MAP3K5: variants seen among roughly 807,000 people sequenced by gnomAD.
MAP3K5 encodes ASK-1.
In MAP3K5, 56 loss-of-function variants were observed where a neutral mutation model predicts 158.7. The observed-to-expected ratio is 0.35, with a 90% CI of 0.28 to 0.44. The LOEUF (loss-of-function observed/expected upper bound fraction) is 0.44. MAP3K5 is among the 20% of genes least tolerant of loss of function. MAP3K5 has a pLI of 1.00. For missense variants in MAP3K5, 1,294 were observed against 1,674.8 expected, an observed-to-expected ratio of 0.77 and a Z score of 3.97; for synonymous variants, 579 against 601.7, an observed-to-expected ratio of 0.96 and a Z score of 0.55.
intron 21 of MAP3K5, among the ~76,000 whole-genome samples, chr6:136,595,356 C>T (rs574991584): frequency 1.3e-4 from 20 of 152,308 alleles, no homozygotes; most frequent in African/African-American, 2.6e-4. Flanking sequence ...CCACCTGCTT[C>T]GGCCTCCCAA....
chr6:136,749,410 A>G (rs1783097999), intron 1 of MAP3K5, among the ~76,000 whole-genome samples: 1 of 151,534 alleles, frequency 6.6e-6, no homozygotes, highest in Non-Finnish European at 1.5e-5. Context: ...GGGCTCCATT[A>G]GGGTGCGTGA....
intron 21 of MAP3K5, 140 bp from the exon 22 acceptor site, chr6:136,592,754 G>A (rs770301925): frequency 1.9e-5 from 15 of 800,602 alleles, no homozygotes; most frequent in African/African-American, 8.4e-5. Flanking sequence ...GTAAGGGAAC[G>A]GTCATGTGTT....
intron 1 of MAP3K5, among the ~76,000 whole-genome samples, chr6:136,781,238 C>T (rs548680422): frequency 8.5e-5 from 13 of 152,152 alleles, no homozygotes; most frequent in Non-Finnish European, 1.3e-4. Flanking sequence ...CAAGACTTGC[C>T]TGAAGAAAGC....
intron 7 of MAP3K5, among the ~76,000 whole-genome samples, chr6:136,684,586 T>TAAAAAAC (rs2114611047): frequency 6.6e-6 from 1 of 152,244 alleles, no homozygotes; most frequent in East Asian, 1.9e-4. Context: ...CTTCAGAAAC[T>TAAAAAAC]TGATGGCTGT....
intron 1 of MAP3K5, among the ~76,000 whole-genome samples, chr6:136,765,664 C>CA (rs891408637): frequency 6.6e-5 from 10 of 151,442 alleles, no homozygotes; most frequent in African/African-American, 2.2e-4. Context: ...AAGTGCCCAC[C>CA]ACCATGCCTG....
At chr6:136,661,477 C>T (rs901265606) in intron 8 of MAP3K5, among the ~76,000 whole-genome samples, 1 of 152,176 alleles carries the variant, frequency 6.6e-6, no homozygotes, top group East Asian at 1.9e-4. Flanking sequence ...CTCAATGCAG[C>T]CTTGAATTTC....
intron 2 of MAP3K5, among the ~76,000 whole-genome samples, chr6:136,710,822 C>T (rs758019066): frequency 3.3e-5 from 5 of 152,078 alleles, no homozygotes; most frequent in Non-Finnish European, 5.9e-5. Context: ...CTGGGTCTTC[C>T]GTTCTGATCC....
At chr6:136,658,667 T>C (rs1323771818) in intron 9 of MAP3K5, among the ~76,000 whole-genome samples, 2 of 152,162 alleles carry the variant, frequency 1.3e-5, no homozygotes, top group Non-Finnish European at 2.9e-5. Flanking sequence ...TGTTTCCACC[T>C]CTCCAATTAC....
intron 2 of MAP3K5, among the ~76,000 whole-genome samples, chr6:136,708,898 T>C (rs1781187743): frequency 6.6e-6 from 1 of 152,100 alleles, no homozygotes; most frequent in Non-Finnish European, 1.5e-5. Context: ...TGATAGAATA[T>C]CCTTCTCTCT....
intron 1 of MAP3K5, among the ~76,000 whole-genome samples, chr6:136,757,579 A>ATTTATTTTTTTTTTT (rs1562679137): frequency 8.9e-6 from 1 of 111,972 alleles, no homozygotes; most frequent in African/African-American, 3.2e-5. Flanking sequence ...TTATTTATTT[A>ATTTATTTTTTTTTTT]TTTTTTATTT....
intron 9 of MAP3K5, among the ~76,000 whole-genome samples, chr6:136,658,375 C>G (rs993030981): frequency 7.6e-6 from 1 of 131,596 alleles, no homozygotes; most frequent in African/African-American, 3.0e-5. Flanking sequence ...AATGCAGTGG[C>G]GCAATCTTGG....
intron 7 of MAP3K5, among the ~76,000 whole-genome samples, chr6:136,671,565 G>A (rs376067793): frequency 1.4e-4 from 21 of 152,286 alleles, no homozygotes; most frequent in African/African-American, 4.6e-4. Context: ...AAGCAAAGAA[G>A]TACAGTATTC....
intron 19 of MAP3K5, among the ~76,000 whole-genome samples, chr6:136,602,593 C>T (rs1343988479): frequency 2.0e-5 from 3 of 152,164 alleles, no homozygotes; most frequent in Non-Finnish European, 4.4e-5. Flanking sequence ...CACGAGCCAC[C>T]ATGCTCAGCC....
chr6:136,660,651 T>A (rs547522450), intron 8 of MAP3K5, among the ~76,000 whole-genome samples: 101 of 152,360 alleles, frequency 6.6e-4, no homozygotes, highest in Non-Finnish European at 1.3e-3. Context: ...CCTTGTAGCA[T>A]TGTTTGGTGC....
At chr6:136,716,920 G>T (rs917425146) in intron 2 of MAP3K5, among the ~76,000 whole-genome samples, 3 of 152,032 alleles carry the variant, frequency 2.0e-5, no homozygotes, top group Admixed American at 2.0e-4. Flanking sequence ...CACTTTGGGG[G>T]GCCGAGGTGG....
At chr6:136,646,362 T>A (rs1002145223) in intron 11 of MAP3K5, among the ~76,000 whole-genome samples, 1 of 152,176 alleles carries the variant, frequency 6.6e-6, no homozygotes, top group Non-Finnish European at 1.5e-5. Flanking sequence ...TAGCATAATA[T>A]AAAAATTGTC....
chr6:136,610,515 AAG>A (rs1452091368), intron 18 of MAP3K5, among the ~76,000 whole-genome samples: 1 of 151,862 alleles, frequency 6.6e-6, no homozygotes, highest in Non-Finnish European at 1.5e-5. Flanking sequence ...TAAACAGTAA[AAG>A]AGGGAATTCA....
At chr6:136,697,839 G>A (rs963897456) in intron 4 of MAP3K5, among the ~76,000 whole-genome samples, 1 of 152,102 alleles carries the variant, frequency 6.6e-6, no homozygotes, top group African/African-American at 2.4e-5. Context: ...CCATCTCCTG[G>A]GTTCAAGCAA....
chr6:136,578,447 AC>A (rs1424338656), intron 25 of MAP3K5, among the ~76,000 whole-genome samples: 2 of 152,202 alleles, frequency 1.3e-5, no homozygotes. Flanking sequence ...ACAAACAGTT[AC>A]CCTCTGGTGA....
Sources: allele counts gnomAD v4.1 joint callset (sites outside exome capture counted in the v4.1 genomes callset), GRCh38; gene constraint gnomAD v4.1.1; transcripts MANE v1.5; gene names NCBI Gene and HGNC (gene_info 2026-07-23, HGNC 2026-07-21).